Variants in AR observed in about 807,000 individuals in gnomAD.
AR encodes dihydrotestosterone receptor.
Under a neutral mutation model 53.9 loss-of-function variants are expected in AR, and 8 were observed. That is an observed-to-expected ratio of 0.15 (90% confidence interval 0.09 to 0.27). AR has a LOEUF of 0.27. Ranked by LOEUF, AR falls within the 10% of genes least tolerant of loss-of-function variation. The pLI, the probability that AR is intolerant of heterozygous loss-of-function variation, is 1.00. For missense variants in AR, 639 were observed against 742.5 expected, an observed-to-expected ratio of 0.86 and a Z score of 1.62; for synonymous variants, 359 against 316.4, an observed-to-expected ratio of 1.13 and a Z score of -1.43.
intron 1 of AR, among the ~76,000 whole-genome samples, chrX:67,627,387 G>A (rs1233498135): frequency 8.9e-6 from 1 of 112,161 alleles, no homozygotes; most frequent in Non-Finnish European, 1.9e-5. Flanking sequence ...GCCAGTGATG[G>A]TGAGCATTTT....
chrX:67,709,131 G>A (rs902320062), intron 3 of AR, among the ~76,000 whole-genome samples: 4 of 111,921 alleles, frequency 3.6e-5, no homozygotes, highest in African/African-American at 1.3e-4. Context: ...CAGATCTCCA[G>A]CTGTGTGCTG....
intron 1 of AR, among the ~76,000 whole-genome samples, chrX:67,549,786 A>G (rs1041482779): frequency 3.6e-5 from 4 of 112,227 alleles, no homozygotes; most frequent in African/African-American, 1.3e-4. Flanking sequence ...TCTGGTCTCC[A>G]TAGTAGGTAG....
chrX:67,575,657 G>A (rs754969051), intron 1 of AR, among the ~76,000 whole-genome samples: 1 of 111,820 alleles, frequency 8.9e-6, no homozygotes, highest in Admixed American at 9.5e-5. Context: ...GCTGAAGGAG[G>A]AACAATTTAA....
chrX:67,593,960 A>T (rs1214666844), intron 1 of AR, among the ~76,000 whole-genome samples: 4 of 111,880 alleles, frequency 3.6e-5, no homozygotes, highest in African/African-American at 9.7e-5. Flanking sequence ...GCATCAAAGG[A>T]TTTTAATCAG....
intron 1 of AR, among the ~76,000 whole-genome samples, chrX:67,630,623 C>T (rs1925031452): frequency 9.0e-6 from 1 of 110,583 alleles, no homozygotes; most frequent in South Asian, 3.9e-4. Context: ...TTAATTGGAG[C>T]ATTTAGTCCA....
intron 2 of AR, among the ~76,000 whole-genome samples, chrX:67,680,436 G>C (rs1249451095): frequency 8.9e-6 from 1 of 111,960 alleles, no homozygotes; most frequent in Non-Finnish European, 1.9e-5. Context: ...ATTTCATTGG[G>C]AAAGAACTGA....
Position 67,686,135 on chromosome X carries a change from C to A in AR, c.1885+9C>A. 2 of 1,199,035 alleles carry A rather than the reference C, an allele frequency of 1.7e-6. No individual in the cohort carries two copies. Among genetic ancestry groups the A allele is most frequent in the Middle Eastern group, 2.3e-4 (1 of 4,324 alleles). ...AGGGATGACTCTGGGAGGTAAGATACTTTTCTTTCTCTTCCTCCTCCTTCC... is the reference window on the plus strand; with the variant it reads ...AGGGATGACTCTGGGAGGTAAGATAATTTTCTTTCTCTTCCTCCTCCTTCC... On this transcript the variant is annotated intron_variant, in intron 3 of 7. Transcript: ENST00000374690.
rs1277130266 is a variant in AR, at chrX:67,728,431, G to A, written c.*4590G>A. ...CCTTGCTGATAAGGGAGCATTTAAA[G>A]TACTAGATTTTGCACTAGAGGGACA... is the stretch of plus-strand genomic sequence containing the variant. On this transcript the variant is annotated 3_prime_UTR_variant, in exon 8 of 8. Coordinates refer to ENST00000374690, the MANE Select transcript of AR (RefSeq NM_000044.6). 2.6e-5 allele frequency: 4 copies of A among 153,208 alleles called. No homozygotes were observed. Among genetic ancestry groups the A allele is most frequent in the Non-Finnish European group, 5.0e-5 (4 of 80,526 alleles). The allele number at this position is 153,208 out of a possible 1,213,427, so 12.6% of individuals were successfully genotyped here. A position where few individuals can be genotyped will look rare whatever the true frequency, so the allele number is the denominator to read the frequency against.
In AR at chrX:67,551,001, G is replaced by GTT. The variant is rs1213943835; in HGVS notation, c.1616+4261_1616+4262dup. Among the ~76,000 whole-genome samples the GTT allele has an allele frequency of 2.5e-3, 188 of 76,579 alleles. 6 individuals are homozygous for GTT. The highest frequency in any genetic ancestry group is 9.7e-3 in the African/African-American group (159 of 16,468). 66.5% of individuals were successfully genotyped at this position (76,579 alleles called of 115,157 possible). On this transcript the variant is annotated intron_variant, in intron 1 of 7. Transcript: ENST00000374690. The stretch of plus-strand genomic sequence containing the variant: ...AGGGGATTGCAAAATGAATAGCTGG[G>GTT]TTTTTTTTTTTTTTTTTTTTTTTAC...
intron 1 of AR, among the ~76,000 whole-genome samples, chrX:67,591,619 C>A (rs1922835775): frequency 9.0e-6 from 1 of 111,467 alleles, no homozygotes; most frequent in Admixed American, 9.5e-5. Context: ...AGGCAAAATT[C>A]TGATGATACA....
At chrX:67,586,732 ATG>A (rs1157311031) in intron 1 of AR, among the ~76,000 whole-genome samples, 1 of 111,940 alleles carries the variant, frequency 8.9e-6, no homozygotes, top group African/African-American at 3.3e-5. Flanking sequence ...TTTAGGTATT[ATG>A]GAAGTTTATA....
intron 1 of AR, among the ~76,000 whole-genome samples, chrX:67,556,003 CCTTT>C (rs1297191339): frequency 1.8e-5 from 2 of 112,390 alleles, no homozygotes; most frequent in South Asian, 7.4e-4. Context: ...CTTTTTAATA[CCTTT>C]CTTTGCATAT....
chrX:67,688,831 C>A (rs763331481), intron 3 of AR, among the ~76,000 whole-genome samples: 1 of 111,707 alleles, frequency 9.0e-6, no homozygotes, highest in African/African-American at 3.2e-5. Flanking sequence ...ACATTCAATG[C>A]ACAGCACACC....
chrX:67,676,769 C>T (rs749211132), intron 2 of AR, among the ~76,000 whole-genome samples: 2 of 111,504 alleles, frequency 1.8e-5, no homozygotes, highest in Non-Finnish European at 3.8e-5. Context: ...GAATGAATTT[C>T]TTTGTTGTAA....
intron 2 of AR, among the ~76,000 whole-genome samples, chrX:67,669,489 T>C (rs188171635): frequency 4.5e-4 from 50 of 111,836 alleles, no homozygotes; most frequent in African/African-American, 1.6e-3. Flanking sequence ...GAATGATCCA[T>C]ATGCTGAGGA....
intron 3 of AR, among the ~76,000 whole-genome samples, chrX:67,696,699 C>T (rs150129400): frequency 1.2e-4 from 13 of 111,169 alleles, no homozygotes; most frequent in African/African-American, 4.3e-4. Context: ...ACTTATTAAT[C>T]CCATTTGGTT....
chrX:67,723,324 G>C (rs1480592519), intron 7 of AR, among the ~76,000 whole-genome samples: 3 of 99,945 alleles, frequency 3.0e-5, no homozygotes, highest in African/African-American at 7.9e-5. Flanking sequence ...GTGTGTGTGT[G>C]TGTGTGTGTG....
chrX:67,614,691 A>G (rs1924033055), intron 1 of AR, among the ~76,000 whole-genome samples: 1 of 111,702 alleles, frequency 9.0e-6, no homozygotes, highest in Non-Finnish European at 1.9e-5. Flanking sequence ...TGAGGAAAGT[A>G]TGACTCATAC....
intron 1 of AR, among the ~76,000 whole-genome samples, chrX:67,622,320 GA>G (rs112324202): frequency 1.8e-4 from 19 of 107,950 alleles, no homozygotes; most frequent in African/African-American, 4.4e-4. Context: ...AAAGCCATTG[GA>G]AAAAAAAAAT....
Sources: allele counts gnomAD v4.1 joint callset (sites outside exome capture counted in the v4.1 genomes callset), GRCh38; gene constraint gnomAD v4.1.1; transcripts MANE v1.5; gene names NCBI Gene and HGNC (gene_info 2026-07-23, HGNC 2026-07-21).